Variants in UAP1 observed in about 807,000 individuals in gnomAD.
UAP1 encodes the protein UDP-N-acetylglucosamine pyrophosphorylase 1.
Under a neutral mutation model 58.5 loss-of-function variants are expected in UAP1, and 25 were observed. That is an observed-to-expected ratio of 0.43 (90% CI 0.31 to 0.60). The LOEUF (loss-of-function observed/expected upper bound fraction) is 0.60. UAP1 is among the 20% of genes least tolerant of loss of function. The probability of loss-of-function intolerance (pLI) is 0.11; values close to 1 mark genes in which losing one functional copy is unlikely to be tolerated. For missense variants in UAP1, 575 were observed against 630.0 expected, an observed-to-expected ratio of 0.91 and a Z score of 0.93; for synonymous variants, 208 against 213.0, an observed-to-expected ratio of 0.98 and a Z score of 0.21.
chr1:162,599,389 C>A, exon 11 of UAP1: 2 of 1,484,306 alleles, frequency 1.3e-6, no homozygotes, highest in Admixed American at 1.7e-5. Context: ...TTGTTTGCCA[C>A]GATAGGAATA....
intron 10 of UAP1, among the ~76,000 whole-genome samples, chr1:162,598,322 G>T (rs1207754463): frequency 1.3e-5 from 2 of 152,170 alleles, no homozygotes; most frequent in African/African-American, 4.8e-5. Context: ...TGATGGTCCT[G>T]CCCTGAGGAG....
At chr1:162,568,606 T>G (rs1178674130) in intron 2 of UAP1, among the ~76,000 whole-genome samples, 1 of 152,236 alleles carries the variant, frequency 6.6e-6, no homozygotes, top group East Asian at 1.9e-4. Context: ...CACTAAGATG[T>G]GAGAGAATGA....
At chr1:162,574,293 A>G (rs984007502) in intron 2 of UAP1, among the ~76,000 whole-genome samples, 2 of 152,034 alleles carry the variant, frequency 1.3e-5, no homozygotes, top group Admixed American at 6.6e-5. Context: ...GGGTTTCACC[A>G]TGTTGGCCAG....
exon 6 of UAP1, chr1:162,587,530 G>C: frequency 1.9e-6 from 3 of 1,614,058 alleles, no homozygotes; most frequent in South Asian, 2.2e-5. Flanking sequence ...CGAGTGGATG[G>C]AGTTTACCAG....
chr1:162,596,687 C>T (rs1655639914), intron 9 of UAP1, among the ~76,000 whole-genome samples: 1 of 152,140 alleles, frequency 6.6e-6, no homozygotes. Flanking sequence ...ATAGAGAGTG[C>T]TTTGAATGCT....
In UAP1 at chr1:162,587,532, G is replaced by GT; in HGVS notation, c.895dup (p.Tyr299LeufsTer7). ...TGGAGTGGTTTGCCGAGTGGATGGA[G>GT]TTTACCAGGTGGTAGAATATAGTGA... is the stretch of plus-strand genomic sequence containing the variant. On this transcript the variant is annotated frameshift_variant, in exon 6 of 11. Coordinates refer to ENST00000271469, the Ensembl canonical transcript of UAP1. LOFTEE classifies it high-confidence loss of function. 6.2e-7 allele frequency: 1 copy of GT among 1,614,086 alleles called. No individual in the cohort carries two copies. Among genetic ancestry groups the GT allele is most frequent in the Admixed American group, 1.7e-5 (1 of 60,012 alleles).
intron 2 of UAP1, among the ~76,000 whole-genome samples, chr1:162,574,093 C>CT (rs1204675147): frequency 0.018 from 2,377 of 134,826 alleles, 42 homozygotes; most frequent in African/African-American, 0.043. Context: ...CTTTTCTTTT[C>CT]TTTTTTTTTT....
chr1:162,581,368 A>C, exon 5 of UAP1: 7 of 1,614,162 alleles, frequency 4.3e-6, no homozygotes, highest in Non-Finnish European at 5.9e-6. Flanking sequence ...TGGAGCATTC[A>C]TGTCTATTGT....
At chr1:162,567,827 C>A (rs950400940) in intron 2 of UAP1, among the ~76,000 whole-genome samples, 2 of 152,098 alleles carry the variant, frequency 1.3e-5, no homozygotes, top group Non-Finnish European at 2.9e-5. Flanking sequence ...GAGACAGCCT[C>A]GCTTTGTTGC....
At chr1:162,562,051 T>C (rs1653175600) in intron 1 of UAP1, among the ~76,000 whole-genome samples, 1 of 151,904 alleles carries the variant, frequency 6.6e-6, no homozygotes, top group African/African-American at 2.4e-5. Context: ...GGGCCAGGGA[T>C]GGAATGAGCG....
chr1:162,576,900 T>G, exon 3 of UAP1: 1 of 1,614,160 alleles, frequency 6.2e-7, no homozygotes, highest in Non-Finnish European at 8.5e-7. Context: ...CGTAAGACAC[T>G]TTTTCAGATT....
At chr1:162,589,597 A>G (rs1655176060) in intron 7 of UAP1, among the ~76,000 whole-genome samples, 1 of 152,110 alleles carries the variant, frequency 6.6e-6, no homozygotes, top group Non-Finnish European at 1.5e-5. Flanking sequence ...TTTAGATTAT[A>G]TAGCTCTCTA....
chr1:162,579,163 A>G (rs942899844), intron 3 of UAP1, among the ~76,000 whole-genome samples: 2 of 152,222 alleles, frequency 1.3e-5, no homozygotes, highest in African/African-American at 4.8e-5. Context: ...AAGCCATTTT[A>G]TAGGTTCTCT....
At chr1:162,575,566 G>A (rs1292998618) in intron 2 of UAP1, among the ~76,000 whole-genome samples, 2 of 150,738 alleles carry the variant, frequency 1.3e-5, no homozygotes, top group East Asian at 3.9e-4. Flanking sequence ...TGAGTAGCTG[G>A]GATTACAGGC....
At chr1:162,566,412 G>A (rs756030474) in intron 2 of UAP1, 64 bp downstream of exon 2, 1 of 1,492,064 alleles carries the variant, frequency 6.7e-7, no homozygotes. Context: ...TGTTCAGGTA[G>A]CTGGATCATG....
chr1:162,592,022 G>A (rs955746501), intron 8 of UAP1, among the ~76,000 whole-genome samples: 4 of 152,280 alleles, frequency 2.6e-5, no homozygotes, highest in Admixed American at 2.0e-4. Flanking sequence ...TGGTATATCC[G>A]TACTTATGTA....
intron 3 of UAP1, among the ~76,000 whole-genome samples, chr1:162,577,307 G>A (rs961730354): frequency 2.0e-5 from 3 of 151,650 alleles, no homozygotes; most frequent in Non-Finnish European, 4.4e-5. Flanking sequence ...CGCCTCTTCC[G>A]CATACACACC....
rs187318940 is a variant in UAP1 at position 162,568,533 on chromosome 1, C to A, written c.280+2185C>A. Among the ~76,000 whole-genome samples the A allele has an allele frequency of 7.9e-5, 12 of 152,296 alleles. No homozygotes were observed. In the East Asian group the frequency reaches 2.3e-3, roughly 29 times the overall value. ...TAATTGGATCTTCTTCAAGGAGGTG[C>A]TTTTCAGATGTAAAATGCTTGGTAG... On this transcript the variant is annotated intron_variant, in intron 2 of 10. Coordinates refer to ENST00000271469, the Ensembl canonical transcript of UAP1.
chr1:162,592,021 C>T (rs540915559), intron 8 of UAP1, among the ~76,000 whole-genome samples: 6 of 152,256 alleles, frequency 3.9e-5, no homozygotes, highest in East Asian at 1.9e-4. Flanking sequence ...CTGGTATATC[C>T]GTACTTATGT....
Sources: gnomAD v4.1 joint callset for allele counts (sites outside exome capture counted in the v4.1 genomes callset) on GRCh38, gnomAD v4.1.1 for gene constraint, MANE v1.5 for transcripts, NCBI Gene and HGNC (gene_info 2026-07-23, HGNC 2026-07-21) for gene names.